Variants in KRT6C observed in about 807,000 individuals in gnomAD.
KRT6C encodes the protein keratin 6C.
In KRT6C, 46 loss-of-function variants were observed where a neutral mutation model predicts 49.4. The observed-to-expected ratio is 0.93, with a 90% CI of 0.74 to 1.19. The LOEUF (loss-of-function observed/expected upper bound fraction) is 1.19. Ranked by LOEUF, KRT6C falls within the 50% of genes most tolerant of loss-of-function variation. The probability of loss-of-function intolerance (pLI) is 0.00; values close to 1 mark genes in which losing one functional copy is unlikely to be tolerated. For missense variants in KRT6C, 552 were observed against 737.5 expected (o/e 0.75, Z 2.91); for synonymous variants, 236 against 297.1 (o/e 0.79, Z 2.12).
At position 52,468,932 on chromosome 12, in the gene KRT6C, A is replaced by G. The variant is rs1937820010; in HGVS notation, c.*130T>C. On this transcript the variant is annotated 3_prime_UTR_variant, in exon 9 of 9. Coordinates refer to ENST00000252250, the MANE Select transcript of KRT6C (RefSeq NM_173086.5). ...ACAGAGAGAAGTGAGGGCACTAAGCATCCATACCCAGCTCTACCTCGGAGA... is the reference window on the plus strand; with the variant it reads ...ACAGAGAGAAGTGAGGGCACTAAGCGTCCATACCCAGCTCTACCTCGGAGA... The G allele has an allele frequency of 8.6e-7, 1 of 1,156,096 alleles. No homozygotes were observed. Among genetic ancestry groups the G allele is most frequent in the Admixed American group, 2.2e-5 (1 of 45,722 alleles). The allele number at this position is 1,156,096 out of a possible 1,614,324, so 71.6% of individuals were successfully genotyped here. A position where few individuals can be genotyped will look rare whatever the true frequency, so the allele number is the denominator to read the frequency against.
chr12:52,471,433 G>T lies in KRT6C; in HGVS notation c.900C>A (p.Ala300=). Residue 300 remains alanine, a synonymous_variant, in exon 4 of 9, where the codon GCC becomes GCA. Transcript: ENST00000252250. ...TGGAGATGCTTACTGCATCATACAA[G>T]GCTCTCAGGAAGTTGATCTCATCTG... The part of the protein sequence containing the change: ...TLTDEINFLR[A]LYDAELSQMQ... 1.9e-6 allele frequency: 3 copies of T among 1,613,938 alleles called. No homozygotes were observed. The highest frequency in any genetic ancestry group is 2.5e-6 in the Non-Finnish European group (3 of 1,179,894).
chr12:52,473,663 G>C lies in KRT6C; in HGVS notation c.75C>G (p.Leu25=). 6.2e-7 allele frequency: 1 copy of C among 1,612,730 alleles called. No homozygotes were observed. The highest frequency in any genetic ancestry group is 8.5e-7 in the Non-Finnish European group (1 of 1,179,896). ...TGAAGCCAGAGCGGCTGACCCCAGG[G>C]AGCCTGGCTGAGTTGGCACTGAAAC... The part of the protein sequence containing the change: ...RRGFSANSAR[L]PGVSRSGFSS... Residue 25 remains leucine, a synonymous_variant, in exon 1 of 9, where the codon CTC becomes CTG. Coordinates refer to ENST00000252250, the MANE Select transcript of KRT6C (RefSeq NM_173086.5).
rs371866175 is a variant in KRT6C at position 52,470,628 on chromosome 12, G to A, written c.1080C>T (p.Tyr360=). 286 of 1,613,886 alleles carry A rather than the reference G, an allele frequency of 1.8e-4. No individual in the cohort carries two copies. The highest frequency in any genetic ancestry group is 5.0e-4 in the Admixed American group (30 of 60,012). ...TGCCTGCTGTGACCTGCAGCTCCTC[G>A]TACTGCAGCCCAGAGGTGGAGAGAG... is the stretch of plus-strand genomic sequence containing the variant. ...AEAESWYQTK[Y]EELQVTAGRH... The change falls in exon 6 of 9, where the codon TAC becomes TAT. Residue 360 remains tyrosine, a splice_region_variant and synonymous_variant. Coordinates refer to ENST00000252250, the MANE Select transcript of KRT6C (RefSeq NM_173086.5).
At chr12:52,469,353 C>T (rs1265206292) in intron 8 of KRT6C, 56 bp from the exon 9 acceptor site, 3 of 1,613,900 alleles carry the variant, frequency 1.9e-6, no homozygotes, top group Non-Finnish European at 2.5e-6. Flanking sequence ...ATCCTGCCGG[C>T]CTGAGCCCAG....
intron 2 of KRT6C, 40 bp from the exon 3 acceptor site, chr12:52,471,772 G>T: frequency 6.2e-7 from 1 of 1,613,396 alleles, no homozygotes; most frequent in African/African-American, 1.3e-5. Context: ...GAGCCAGTGG[G>T]TAGGATGAAA....
At position 52,469,302 on chromosome 12, in the gene KRT6C, G is replaced by A. The variant is rs1937829564; in HGVS notation, c.1460-5C>T. 6.2e-7 allele frequency: 1 copy of A among 1,613,868 alleles called. No individual in the cohort carries two copies. Among genetic ancestry groups the A allele is most frequent in the African/African-American group, 1.3e-5 (1 of 74,924 alleles). On this transcript the variant is annotated splice_polypyrimidine_tract_variant and splice_region_variant and intron_variant, in intron 8 of 8. Transcript: ENST00000252250. ...AGATGGTGGACTGTACTACAGCTGT[G>A]GTGGGGAGGGGACAAGGACACAAGA...
At chr12:52,469,334 G>A (rs373633384) in intron 8 of KRT6C, 37 bp from the exon 9 acceptor site, 138 of 1,613,876 alleles carry the variant, frequency 8.6e-5, no homozygotes, top group Non-Finnish European at 1.1e-4. Flanking sequence ...AAGAAGCCAC[G>A]GTGAGCTCAT....
In KRT6C at chr12:52,470,536, A is replaced by G; in HGVS notation, c.1172T>C (p.Leu391Pro). ...CTTGACATGGTCGATCTCAGATCTCAGCCTCTGGATCATGCGGTTGATCTC... is the reference window on the plus strand; with the variant it reads ...CTTGACATGGTCGATCTCAGATCTCGGCCTCTGGATCATGCGGTTGATCTC... ...IAEINRMIQR[L>P]RSEIDHVKKQ... Residue 391 changes from leucine (L) to proline (P), a missense_variant, in exon 6 of 9, where the codon CTG becomes CCG. By Grantham distance (98) the Leu-to-Pro change is moderately conservative. Transcript: ENST00000252250. 6.2e-7 allele frequency: 1 copy of G among 1,614,098 alleles called. No individual in the cohort carries two copies. The highest frequency in any genetic ancestry group is 8.5e-7 in the Non-Finnish European group (1 of 1,180,034).
Position 52,472,159 on chromosome 12 carries a change from A to G in KRT6C, c.662T>C (p.Leu221Pro). The G allele has an allele frequency of 6.6e-7, 1 of 1,515,744 alleles. No homozygotes were observed. 93.9% of individuals were successfully genotyped at this position (1,515,744 alleles called of 1,614,324 possible). A position where few individuals can be genotyped will look rare whatever the true frequency, so the allele number is the denominator to read the frequency against. ...GACGATGCTGTCCAGCTGCCTCCTG[A>G]GGTTGTTGATGTACTGCTCGAACAA... Reference protein sequence around the residue: ...EPLFEQYINNLRRQLDSIVGE... With the variant: ...EPLFEQYINNPRRQLDSIVGE... The change falls in exon 2 of 9, where the codon CTC (leucine) becomes CCC (proline). Residue 221 changes from leucine (L) to proline (P), a missense_variant. Around this residue, in one of 3 missense-constraint regions of KRT6C, gnomAD observed 425 missense variants for 439.4 expected, o/e 0.97. Coordinates refer to ENST00000252250, the MANE Select transcript of KRT6C (RefSeq NM_173086.5).
rs1449993729 is a variant in KRT6C at position 52,473,662 on chromosome 12, G to A, written c.76C>T (p.Pro26Ser). Residue 26 changes from proline to serine, a missense_variant, in exon 1 of 9, where the codon CCT becomes TCT. Pro to Ser is a moderately conservative substitution (Grantham distance 74). Transcript: ENST00000252250. ...RGFSANSARLPGVSRSGFSSI... is the reference protein window; with the variant it reads ...RGFSANSARLSGVSRSGFSSI... ...CTGAAGCCAGAGCGGCTGACCCCAG[G>A]GAGCCTGGCTGAGTTGGCACTGAAA... 1 of 1,612,768 alleles carries A rather than the reference G, an allele frequency of 6.2e-7. No individual in the cohort carries two copies. The highest frequency in any genetic ancestry group is 1.1e-5 in the South Asian group (1 of 90,990).
rs1471666452 is a variant in KRT6C, at chr12:52,468,653, T to C, written c.*409A>G. 1 of 260,702 alleles carries C rather than the reference T, an allele frequency of 3.8e-6. No individual in the cohort carries two copies. The highest frequency in any genetic ancestry group is 2.2e-5 in the African/African-American group (1 of 45,404). 16.1% of individuals were successfully genotyped at this position (260,702 alleles called of 1,614,324 possible). On this transcript the variant is annotated 3_prime_UTR_variant, in exon 9 of 9. Transcript: ENST00000252250. ...ACTGCGGGGCGGGGGTTCACAATAC[T>C]TTTAACTTAGGGAGTTTGGGGGCCA...
chr12:52,471,100 G>A (rs200155204), intron 5 of KRT6C, 32 bp downstream of exon 5: 59 of 1,614,174 alleles, frequency 3.7e-5, no homozygotes, highest in Non-Finnish European at 4.7e-5. Flanking sequence ...TGGACACAAG[G>A]ATTCCTCAGC....
rs1289251846 is a variant in KRT6C at position 52,469,095 on chromosome 12, G to T, written c.1662C>A (p.Thr554=). 6.2e-7 allele frequency: 1 copy of T among 1,614,090 alleles called. No homozygotes were observed. The highest frequency in any genetic ancestry group is 2.2e-5 in the East Asian group (1 of 44,876). The change falls in exon 9 of 9, where the codon ACC becomes ACA. Residue 554 remains threonine (T), a synonymous_variant. Transcript: ENST00000252250. ...GGSSTIKYTT[T]SSSSRKSYKH is the part of the protein sequence containing the mutation. The stretch of plus-strand genomic sequence containing the variant: ...TGTAGCTCTTCCTGCTGGAGGAGGA[G>T]GTGGTGGTGTACTTGATGGTGGAAC...
In KRT6C at chr12:52,468,786, T is replaced by C; in HGVS notation, c.*276A>G. The C allele has an allele frequency of 2.0e-6, 1 of 504,252 alleles. No homozygotes were observed. The highest frequency in any genetic ancestry group is 3.3e-5 in the Admixed American group (1 of 30,526). The allele number at this position is 504,252 out of a possible 1,614,324, so 31.2% of individuals were successfully genotyped here. A position where few individuals can be genotyped will look rare whatever the true frequency, so the allele number is the denominator to read the frequency against. On this transcript the variant is annotated 3_prime_UTR_variant, in exon 9 of 9. Coordinates refer to ENST00000252250, the MANE Select transcript of KRT6C (RefSeq NM_173086.5). Reference sequence around the variant, plus strand: ...ATGCTCAGCCTCAGAGAGAACAATTTTGGAGGCAAGAAATTAATAATTTAG... The same window carrying C: ...ATGCTCAGCCTCAGAGAGAACAATTCTGGAGGCAAGAAATTAATAATTTAG...
Position 52,469,153 on chromosome 12 carries a change from A to G in KRT6C, c.1604T>C (p.Ile535Thr), listed in dbSNP as rs368905186. ...GGFSSSSGRA[I>T]GGGLSSVGGG... ...TCCAACAGAGCTGAGGCCACCCCCA[A>G]TGGCTCTGCCACTGCTGGAACTGAA... The change falls in exon 9 of 9, where the codon ATT (isoleucine) becomes ACT (threonine). Residue 535 changes from isoleucine to threonine, a missense_variant. Transcript: ENST00000252250. The G allele has an allele frequency of 1.9e-4, 311 of 1,613,968 alleles. No individual in the cohort carries two copies. Among genetic ancestry groups the G allele is most frequent in the East Asian group, 5.8e-4 (26 of 44,876 alleles).
In KRT6C at chr12:52,470,995, C is replaced by T. The variant is rs926921445; in HGVS notation, c.1077+137G>A. ...TGCACATAAGTTCCCCAAATGTCTACTCTAATAGTGCAGAGTGCATGTCCT... is the reference window on the plus strand; with the variant it reads ...TGCACATAAGTTCCCCAAATGTCTATTCTAATAGTGCAGAGTGCATGTCCT... On this transcript the variant is annotated intron_variant, in intron 5 of 8. Coordinates refer to ENST00000252250, the MANE Select transcript of KRT6C (RefSeq NM_173086.5). 8 of 1,463,330 alleles carry T rather than the reference C, an allele frequency of 5.5e-6. No individual in the cohort carries two copies. The African/African-American group carries it at 1.1e-4, about 21-fold the overall frequency. The allele number at this position is 1,463,330 out of a possible 1,614,324, so 90.6% of individuals were successfully genotyped here. A position where few individuals can be genotyped will look rare whatever the true frequency, so the allele number is the denominator to read the frequency against.
At chr12:52,469,519 G>T in intron 7 of KRT6C, 74 bp from the exon 8 acceptor site, 1 of 1,613,592 alleles carries the variant, frequency 6.2e-7, no homozygotes, top group Non-Finnish European at 8.5e-7. Flanking sequence ...GGCAGCCTCG[G>T]TGGGTGGAAG....
chr12:52,472,391 G>A (rs1937904191), intron 1 of KRT6C, 111 bp from the exon 2 acceptor site: 6 of 1,010,334 alleles, frequency 5.9e-6, no homozygotes, highest in Non-Finnish European at 8.9e-6. Context: ...GGCTACTACA[G>A]TGCATGTGGA....
chr12:52,471,610 G>T, intron 3 of KRT6C, 62 bp downstream of exon 3: 2 of 1,503,486 alleles, frequency 1.3e-6, no homozygotes, highest in Non-Finnish European at 1.8e-6. Context: ...CCAGGGGAGC[G>T]AGGACACAGA....
Sources: allele counts gnomAD v4.1 joint callset, GRCh38; gene constraint gnomAD v4.1.1; regional missense constraint gnomAD v4.1.1; transcripts MANE v1.5; gene names NCBI Gene and HGNC (gene_info 2026-07-23, HGNC 2026-07-21).